Variants in SYMPK observed in about 807,000 individuals in gnomAD.
The protein encoded by SYMPK is symplekin.
A neutral mutation model predicts 136.4 loss-of-function variants in SYMPK; 49 were observed. That is an observed-to-expected ratio of 0.36 (90% CI 0.29 to 0.46). The LOEUF is 0.46. SYMPK is among the 20% of genes least tolerant of loss of function. The pLI is 1.00. For synonymous variants in SYMPK, 766 were observed against 713.0 expected, an observed-to-expected ratio of 1.07 and a Z score of -1.19; for missense variants, 1,365 against 1,690.0, an observed-to-expected ratio of 0.81 and a Z score of 3.37.
chr19:45,863,078 C>A lies in SYMPK; in HGVS notation c.-33G>T. 2.5e-6 allele frequency: 1 copy of A among 401,714 alleles called. No individual in the cohort carries two copies. Among genetic ancestry groups the A allele is most frequent in the Non-Finnish European group, 4.4e-6 (1 of 226,864 alleles). 24.9% of individuals were successfully genotyped at this position (401,714 alleles called of 1,614,324 possible). A position where few individuals can be genotyped will look rare whatever the true frequency, so the allele number is the denominator to read the frequency against. On this transcript the variant is annotated 5_prime_UTR_variant, in exon 1 of 27. Transcript: ENST00000245934. ...CTCACCGCAGCTCTGGCCTCCGTTC[C>A]CCTCGCGCCCCCTCAGCAGTGCCTC...
At chr19:45,817,887 G>C (rs1356910344) in intron 23 of SYMPK, 72 bp downstream of exon 23, 1 of 1,445,340 alleles carries the variant, frequency 6.9e-7, no homozygotes, top group Non-Finnish European at 9.3e-7. Flanking sequence ...GGTCAGACGG[G>C]GGAAGGGGAG....
At chr19:45,823,250 G>T in intron 20 of SYMPK, 122 bp downstream of exon 20, 1 of 973,780 alleles carries the variant, frequency 1.0e-6, no homozygotes, top group Non-Finnish European at 1.6e-6. Flanking sequence ...CCACAGGCAA[G>T]GTGCCTTCTG....
chr19:45,816,137 G>T lies in SYMPK; in HGVS notation c.3401C>A (p.Pro1134His). Reference sequence around the variant, plus strand: ...TCGCAGGCCGATGAGGTCCTGAGGGGGCCGGGGTGCTGGGGCCGGGGCCAA... The same window carrying T: ...TCGCAGGCCGATGAGGTCCTGAGGGTGCCGGGGTGCTGGGGCCGGGGCCAA... ...LTLAPAPAPR[P>H]PQDLIGLRLA... The change falls in exon 26 of 27, where the codon CCC (proline) becomes CAC (histidine). Residue 1134 changes from proline (P) to histidine (H), a missense_variant. Pro to His is a moderately conservative substitution (Grantham distance 77, BLOSUM62 -2). Around this residue, in one of 11 missense-constraint regions of SYMPK, gnomAD observed 341 missense variants for 270.5 expected, o/e 1.26. Transcript: ENST00000245934. 6.5e-7 allele frequency: 1 copy of T among 1,549,292 alleles called. No individual in the cohort carries two copies. The highest frequency in any genetic ancestry group is 1.9e-5 in the Admixed American group (1 of 51,682).
chr19:45,863,017 C>T, intron 1 of SYMPK, 41 bp downstream of exon 1: 1 of 400,586 alleles, frequency 2.5e-6, no homozygotes, highest in East Asian at 3.6e-5. Context: ...TTAGGAGCCT[C>T]CTCCTTTCGT....
intron 1 of SYMPK, among the ~76,000 whole-genome samples, chr19:45,857,305 G>A (rs1285956229): frequency 6.7e-6 from 1 of 149,230 alleles, no homozygotes; most frequent in African/African-American, 2.5e-5. Context: ...AGCTACTCGG[G>A]AGGCTGAGGC....
At chr19:45,841,394 G>A (rs1385766398) in intron 9 of SYMPK, among the ~76,000 whole-genome samples, 1 of 151,804 alleles carries the variant, frequency 6.6e-6, no homozygotes, top group Non-Finnish European at 1.5e-5. Flanking sequence ...CTGGGTTCAA[G>A]TGATTCTCCT....
At chr19:45,831,343 T>C (rs748501699) in intron 12 of SYMPK, 41 bp downstream of exon 12, 3 of 1,452,062 alleles carry the variant, frequency 2.1e-6, no homozygotes, top group Non-Finnish European at 9.1e-7. Flanking sequence ...ACCTTCAGGG[T>C]AGGGCTCCTG....
chr19:45,818,231 T>G, intron 22 of SYMPK, 85 bp from the exon 23 acceptor site: 1 of 1,371,520 alleles, frequency 7.3e-7, no homozygotes, highest in Non-Finnish European at 9.8e-7. Context: ...TGTCTGCCCA[T>G]GTGAGGGGAA....
At chr19:45,843,580 G>T (rs775240655) in intron 8 of SYMPK, among the ~76,000 whole-genome samples, 18 of 152,152 alleles carry the variant, frequency 1.2e-4, no homozygotes, top group Non-Finnish European at 2.2e-4. Context: ...CCTGTCTAAT[G>T]TAGAGAATCT....
chr19:45,834,935 C>G, intron 11 of SYMPK, 143 bp downstream of exon 11: 1 of 708,282 alleles, frequency 1.4e-6, no homozygotes, highest in Non-Finnish European at 2.1e-6. Flanking sequence ...ACTGAGCCAT[C>G]TATCTGTGGT....
At chr19:45,831,628 C>G in intron 11 of SYMPK, 40 bp from the exon 12 acceptor site, 13 of 1,508,746 alleles carry the variant, frequency 8.6e-6, no homozygotes, top group Non-Finnish European at 1.2e-5. Flanking sequence ...GTGCGTCAGA[C>G]CCACCTGCTC....
At chr19:45,825,056 T>C in intron 18 of SYMPK, 115 bp downstream of exon 18, 1 of 1,375,884 alleles carries the variant, frequency 7.3e-7, no homozygotes, top group Non-Finnish European at 9.9e-7. Flanking sequence ...CGGCCCGGGG[T>C]GACCACCCTT....
Position 45,838,596 on chromosome 19 carries a change from GTCC to G in SYMPK, c.1104_1106del (p.Glu368del), listed in dbSNP as rs1225654103. 2.2e-5 allele frequency: 36 copies of G among 1,613,816 alleles called. No individual in the cohort carries two copies. Among genetic ancestry groups the G allele is most frequent in the Non-Finnish European group, 2.8e-5 (33 of 1,179,872 alleles). On this transcript the variant is annotated inframe_deletion, in exon 10 of 27. Transcript: ENST00000245934. Reference sequence around the variant, plus strand: ...CTGGCTCCAAGTCTTTGTCCTCATCGTCCTCCCCCAGGTTGGGCTCTGGGATGA... The same window carrying G: ...CTGGCTCCAAGTCTTTGTCCTCATCGTCCCCCAGGTTGGGCTCTGGGATGA...
chr19:45,817,875 G>T, intron 23 of SYMPK, 84 bp downstream of exon 23: 1 of 1,387,558 alleles, frequency 7.2e-7, no homozygotes. Context: ...GGCTCCCTCC[G>T]GGGTCAGACG....
At position 45,831,644 on chromosome 19, in the gene SYMPK, C is replaced by T. The variant is rs117098215; in HGVS notation, c.1394-56G>A. On this transcript the variant is annotated intron_variant, in intron 11 of 26. Coordinates refer to ENST00000245934, the MANE Select transcript of SYMPK (RefSeq NM_004819.3). ...TGCGTCAGACCCACCTGCTCCAACC[C>T]GAGGACCTCCTGTGTGCCTGGCTCT... 2.8e-4 allele frequency: 405 copies of T among 1,442,242 alleles called. 1 individual carries two copies. In the East Asian group the frequency reaches 8.5e-3, roughly 30 times the overall value. 89.3% of individuals were successfully genotyped at this position (1,442,242 alleles called of 1,614,324 possible).
chr19:45,854,207 T>G lies in SYMPK; in HGVS notation c.139A>C (p.Thr47Pro). ...VDLLNQAALITNDSKITVLKQ... is the reference protein window; with the variant it reads ...VDLLNQAALIPNDSKITVLKQ... ...AGCACTGTGATCTTTGAGTCATTGGTGATCAGCGCCGCCTGGTTCAGAAGA... is the reference window on the plus strand; with the variant it reads ...AGCACTGTGATCTTTGAGTCATTGGGGATCAGCGCCGCCTGGTTCAGAAGA... The change falls in exon 3 of 27, where the codon ACC becomes CCC. Residue 47 changes from threonine (T) to proline (P), a missense_variant. Transcript: ENST00000245934. 6.2e-7 allele frequency: 1 copy of G among 1,614,132 alleles called. No individual in the cohort carries two copies.
intron 3 of SYMPK, among the ~76,000 whole-genome samples, chr19:45,853,734 TCCCTCTGGGCTCCCAGAGC>T (rs890036561): frequency 1.4e-4 from 22 of 152,158 alleles, no homozygotes; most frequent in Admixed American, 2.6e-4. Flanking sequence ...GGTCAGGAGC[TCCCTCTGGGCTCCCAGAGC>T]CCCCCTGGGC....
At position 45,827,907 on chromosome 19, in the gene SYMPK, T is replaced by G; in HGVS notation, c.1997A>C (p.Lys666Thr). ...KPDQKDGIFT[K>T]VVLEAPLITE... ...GATGAGTGGCGCCTCCAGCACAACC[T>G]TGGTGAAGATCCTGCCAGAGATGGA... The change falls in exon 15 of 27, where the codon AAG becomes ACG. Residue 666 changes from lysine to threonine, a missense_variant. Coordinates refer to ENST00000245934, the MANE Select transcript of SYMPK (RefSeq NM_004819.3). 1 of 1,613,804 alleles carries G rather than the reference T, an allele frequency of 6.2e-7. No individual in the cohort carries two copies. The highest frequency in any genetic ancestry group is 2.2e-5 in the East Asian group (1 of 44,878).
intron 22 of SYMPK, chr19:45,820,840 C>T (rs1970871868): frequency 6.9e-6 from 3 of 437,174 alleles, no homozygotes; most frequent in Non-Finnish European, 4.1e-6. Context: ...ACATACCCAC[C>T]AAGTGGCGGA....
Sources: gnomAD v4.1 joint callset for allele counts (sites outside exome capture counted in the v4.1 genomes callset) on GRCh38, gnomAD v4.1.1 for gene constraint, gnomAD v4.1.1 regional missense constraint, MANE v1.5 for transcripts, NCBI Gene and HGNC (gene_info 2026-07-23, HGNC 2026-07-21) for gene names.